Variants in ARL10 observed in about 807,000 individuals in gnomAD.
ARL10 encodes ADP-ribosylation factor-like protein 10.
Under a neutral mutation model 26.1 loss-of-function variants are expected in ARL10, and 23 were observed. The ratio of observed to expected loss-of-function variants is 0.88; its 90% CI spans 0.63 to 1.25. ARL10 has a LOEUF of 1.25. Among genes scored for constraint, ARL10 ranks in the 50% most tolerant of loss-of-function variants. The pLI, the probability that ARL10 is intolerant of heterozygous loss-of-function variation, is 0.00. For missense variants in ARL10, 300 were observed against 323.6 expected (o/e 0.93, Z 0.56); for synonymous variants, 138 against 149.1 (o/e 0.93, Z 0.54).
downstream of ARL10, among the ~76,000 whole-genome samples, chr5:176,385,501 T>C (rs1449756210): frequency 3.3e-5 from 5 of 152,192 alleles, no homozygotes; most frequent in East Asian, 1.9e-4. Flanking sequence ...CTTCAGCCCC[T>C]TGGATCCCAG....
Position 176,394,824 on chromosome 5 carries a change from A to G in ARL10, c.134-6917A>G, listed in dbSNP as rs1028848025. On this transcript the variant is annotated intron_variant, in intron 1 of 1. Coordinates refer to the ARL10 transcript ENST00000514533. The stretch of plus-strand genomic sequence containing the variant: ...AGCAAGACTCCGTCTTAAAAAAAAA[A>G]AAAAGTTTGAGAAGCCCTGGTCTAT... Among the ~76,000 whole-genome samples the G allele has an allele frequency of 2.4e-4, 36 of 152,100 alleles. 1 individual carries two copies. The highest frequency in any genetic ancestry group is 2.2e-3 in the Admixed American group (34 of 15,282).
In ARL10 at chr5:176,372,512, G is replaced by T. The variant is rs1768576239; in HGVS notation, c.*617G>T. On this transcript the variant is annotated 3_prime_UTR_variant, in exon 4 of 4. Transcript: ENST00000310389. ...CCAGCCATGGGAGTGTGAAGTGCTA[G>T]GATGAACCTGGCCATCCTAGCAAGG... is the stretch of plus-strand genomic sequence containing the variant. 1 of 170,798 alleles carries T rather than the reference G, an allele frequency of 5.9e-6. No homozygotes were observed. Among genetic ancestry groups the T allele is most frequent in the Non-Finnish European group, 1.2e-5 (1 of 80,752 alleles). 10.6% of individuals were successfully genotyped at this position (170,798 alleles called of 1,614,324 possible).
Position 176,372,287 on chromosome 5 carries a change from C to A in ARL10, c.*392C>A. ...TCCTAGAGCCTCAAGGTCTCCCAGT[C>A]CAGAAACAGTCTGGTGACGTCATGC... On this transcript the variant is annotated 3_prime_UTR_variant, in exon 4 of 4. Transcript: ENST00000310389. 4.7e-6 allele frequency: 1 copy of A among 213,168 alleles called. No homozygotes were observed. The allele number at this position is 213,168 out of a possible 1,614,324, so 13.2% of individuals were successfully genotyped here.
At chr5:176,389,478 C>T, downstream of ARL10, 1 of 1,613,642 alleles carries the variant, frequency 6.2e-7, no homozygotes, top group Non-Finnish European at 8.5e-7. Flanking sequence ...GCTGTCACTG[C>T]TATGAAGTCT....
intron 1 of ARL10, among the ~76,000 whole-genome samples, chr5:176,398,388 T>C (rs1756655229): frequency 6.6e-6 from 1 of 152,128 alleles, no homozygotes; most frequent in Non-Finnish European, 1.5e-5. Context: ...TGCACTCTGA[T>C]GGGAGGACAT....
downstream of ARL10, chr5:176,392,968 C>T: frequency 6.2e-7 from 1 of 1,613,804 alleles, no homozygotes; most frequent in Non-Finnish European, 8.5e-7. This position sits in a 1 kb window ranked among gnomAD's most constrained non-coding sequence, Gnocchi z 5.2. Flanking sequence ...ATAGGACGGG[C>T]TTTTATAGCA....
rs1224192727 is a variant in ARL10 at position 176,371,891 on chromosome 5, C to A, written c.731C>A (p.Ser244Tyr). ...TGGAAACTGCTCTTGGAGCTCCTCT[C>A]CTAGGCTGGAGCTCTCCTGCTTGCC... Reference protein sequence around the residue: ...HIWKLLLELLS With the variant: ...HIWKLLLELLY Residue 244 changes from serine (S) to tyrosine (Y), a missense_variant, in exon 4 of 4, where the codon TCC becomes TAC. By Grantham distance (144) the Ser-to-Tyr change is moderately radical (BLOSUM62 -2). Coordinates refer to ENST00000310389, the MANE Select transcript of ARL10 (RefSeq NM_173664.6). 6.2e-7 allele frequency: 1 copy of A among 1,613,816 alleles called. No individual in the cohort carries two copies. Among genetic ancestry groups the A allele is most frequent in the Admixed American group, 1.7e-5 (1 of 59,988 alleles).
intron 1 of ARL10, among the ~76,000 whole-genome samples, chr5:176,395,490 G>A (rs1289992284): frequency 6.6e-6 from 1 of 152,228 alleles, no homozygotes; most frequent in Non-Finnish European, 1.5e-5. Flanking sequence ...CCTGTGAGAG[G>A]AGGCTTAGCC....
At chr5:176,387,548 A>G (rs1329861052) in intron 1 of ARL10, among the ~76,000 whole-genome samples, 2 of 152,264 alleles carry the variant, frequency 1.3e-5, no homozygotes, top group East Asian at 3.8e-4. Flanking sequence ...GTGAGGCTAC[A>G]GCCACACAGT....
chr5:176,385,188 TCCCAGCCAGCCCAC>T (rs776827532), downstream of ARL10: 3 of 1,327,154 alleles, frequency 2.3e-6, no homozygotes, highest in Non-Finnish European at 3.3e-6. Context: ...CAGGGCGCCT[TCCCAGCCAGCCCAC>T]GGGGCCTGAG....
At chr5:176,392,717 T>G, downstream of ARL10, 1 of 1,590,202 alleles carries the variant, frequency 6.3e-7, no homozygotes, top group Non-Finnish European at 8.6e-7. This position sits in a 1 kb window ranked among gnomAD's most constrained non-coding sequence, Gnocchi z 5.2. Context: ...CCAAAGCAGC[T>G]GCTCCTCCTG....
the ARL10 span, among the ~76,000 whole-genome samples, chr5:176,411,421 T>C: frequency 6.6e-6 from 1 of 152,214 alleles, no homozygotes. Flanking sequence ...TTGCAGGTGC[T>C]GTTCCCTCTG....
chr5:176,412,782 A>G, the ARL10 span, among the ~76,000 whole-genome samples: 1 of 152,282 alleles, frequency 6.6e-6, no homozygotes, highest in Middle Eastern at 3.4e-3. Context: ...CTTCTCCTGC[A>G]TGGGTGTCCT....
At chr5:176,390,538 T>A (rs1014923108), downstream of ARL10, among the ~76,000 whole-genome samples, 6 of 152,146 alleles carry the variant, frequency 3.9e-5, no homozygotes, top group African/African-American at 9.7e-5. Context: ...CAAGCAATTT[T>A]CCTGCCTCAG....
At chr5:176,412,072 A>G in the ARL10 span, among the ~76,000 whole-genome samples, 2 of 149,300 alleles carry the variant, frequency 1.3e-5, no homozygotes, top group South Asian at 2.1e-4. Context: ...GCCACTCGGG[A>G]GGCTGAGGCA....
chr5:176,383,684 TG>T (rs959623001), downstream of ARL10, among the ~76,000 whole-genome samples: 1 of 152,180 alleles, frequency 6.6e-6, no homozygotes, highest in African/African-American at 2.4e-5. Context: ...CCCAGCCTAG[TG>T]GGGGGACTAG....
downstream of ARL10, among the ~76,000 whole-genome samples, chr5:176,404,297 G>A (rs906753356): frequency 4.6e-5 from 7 of 152,186 alleles, 1 homozygote; most frequent in East Asian, 3.9e-4. Flanking sequence ...CTCATGGCCC[G>A]CCTTCCTCTG....
rs2113562205 is a variant in ARL10 at position 176,376,619 on chromosome 5, AAGAT to A, written c.*4726_*4729del. ...ACAGAAAATAGGAAAGAGAGGGAGA[AAGAT>A]AAGATTTTTGCGATTGCAGTGAAGT... On this transcript the variant is annotated 3_prime_UTR_variant, in exon 4 of 4. Coordinates refer to ENST00000310389, the MANE Select transcript of ARL10 (RefSeq NM_173664.6). 6.6e-6 allele frequency: 1 copy of A among 152,364 alleles called. No individual in the cohort carries two copies. The highest frequency in any genetic ancestry group is 1.9e-4 in the East Asian group (1 of 5,190). 9.4% of individuals were successfully genotyped at this position (152,364 alleles called of 1,614,324 possible).
intron 2 of ARL10, among the ~76,000 whole-genome samples, chr5:176,367,133 G>A (rs756930991): frequency 1.3e-5 from 2 of 149,796 alleles, no homozygotes; most frequent in African/African-American, 4.9e-5. Flanking sequence ...TCAGCCTCCT[G>A]AGCAGCTGGG....
Sources: allele counts gnomAD v4.1 joint callset (sites outside exome capture counted in the v4.1 genomes callset), GRCh38; gene constraint gnomAD v4.1.1; non-coding constraint Gnocchi (gnomAD v3.1); transcripts MANE v1.5; gene names NCBI Gene and HGNC (gene_info 2026-07-23, HGNC 2026-07-21).